The following SBNO1 variants were observed in gnomAD, a reference collection of about 807,000 sequenced individuals.
SBNO1 encodes strawberry notch homolog 1.
SBNO1 carries 23 observed loss-of-function variants against 173.6 expected under a neutral mutation model. The ratio of observed to expected loss-of-function variants is 0.13; its 90% CI spans 0.10 to 0.19. SBNO1 has a LOEUF of 0.19. Among genes scored for constraint, SBNO1 ranks in the 10% least tolerant of loss-of-function variants. The pLI is 1.00. For synonymous variants in SBNO1, 632 were observed against 571.5 expected (o/e 1.11, Z -1.51); for missense variants, 1,238 against 1,671.2 (o/e 0.74, Z 4.52).
chr12:123,293,372 G>A lies in SBNO1; in HGVS notation c.*2536C>T, dbSNP rs763391303. On this transcript the variant is annotated 3_prime_UTR_variant, in exon 32 of 32. Transcript: ENST00000602398. ...AGCCACCACGCCCGGCTACGAGTTG[G>A]GTTTTAACAGAAGAGGACCTTGAAT... 6.6e-6 allele frequency: 1 copy of A among 152,152 alleles called. No individual in the cohort carries two copies. The highest frequency in any genetic ancestry group is 1.5e-5 in the Non-Finnish European group (1 of 68,046). 9.4% of individuals were successfully genotyped at this position (152,152 alleles called of 1,614,324 possible).
chr12:123,360,978 G>A (rs1275939769), intron 1 of SBNO1, among the ~76,000 whole-genome samples: 2 of 152,124 alleles, frequency 1.3e-5, no homozygotes, highest in Non-Finnish European at 2.9e-5. Flanking sequence ...GGGCACAGTG[G>A]CTCACGCCTA....
intron 17 of SBNO1, 93 bp from the exon 18 acceptor site, chr12:123,320,959 G>T: frequency 1.8e-6 from 2 of 1,100,078 alleles, no homozygotes; most frequent in Non-Finnish European, 2.6e-6. Flanking sequence ...ATTTTTTTGA[G>T]ACAATGTTTC....
At chr12:123,364,312 G>A in intron 1 of SBNO1, 1 of 985,492 alleles carries the variant, frequency 1.0e-6, no homozygotes, top group Non-Finnish European at 1.2e-6. Context: ...GCGGGTCCCG[G>A]ACCCGCAGCC....
chr12:123,325,140 G>A (rs1870475955), intron 15 of SBNO1, among the ~76,000 whole-genome samples: 1 of 152,046 alleles, frequency 6.6e-6, no homozygotes, highest in South Asian at 2.1e-4. Flanking sequence ...GTTATATTAG[G>A]ACAAACTATA....
At chr12:123,336,090 G>A (rs759075018) in intron 6 of SBNO1, among the ~76,000 whole-genome samples, 11 of 151,886 alleles carry the variant, frequency 7.2e-5, no homozygotes, top group Non-Finnish European at 1.6e-4. Flanking sequence ...TATACAAAAG[G>A]GAGAAACAAA....
At chr12:123,314,478 C>T (rs1391786947) in intron 23 of SBNO1, among the ~76,000 whole-genome samples, 1 of 151,936 alleles carries the variant, frequency 6.6e-6, no homozygotes, top group African/African-American at 2.4e-5. Flanking sequence ...TACAGGCGCA[C>T]ACCACCACGC....
At chr12:123,337,929 C>G (rs1163504312) in intron 5 of SBNO1, among the ~76,000 whole-genome samples, 1 of 152,104 alleles carries the variant, frequency 6.6e-6, no homozygotes, top group Non-Finnish European at 1.5e-5. Flanking sequence ...AATTGAATAA[C>G]TGAAGGATAA....
chr12:123,313,805 C>T (rs74690356), intron 23 of SBNO1, 86 bp from the exon 24 acceptor site: 37,477 of 767,240 alleles, frequency 0.049, 1,746 homozygotes, highest in East Asian at 0.24. Flanking sequence ...ATAAAAACTA[C>T]TGGCTGGGTG....
At chr12:123,316,892 T>C (rs975889717) in intron 21 of SBNO1, among the ~76,000 whole-genome samples, 4 of 151,710 alleles carry the variant, frequency 2.6e-5, no homozygotes, top group Non-Finnish European at 5.9e-5. Context: ...TAGTAGAGGC[T>C]GGGTTTCACC....
At chr12:123,313,201 AAAAT>A (rs370130754) in intron 24 of SBNO1, among the ~76,000 whole-genome samples, 26,555 of 138,076 alleles carry the variant, frequency 0.19, 2,706 homozygotes, top group African/African-American at 0.25. Context: ...ACTCGGTCTT[AAAAT>A]AAATAAATAA....
chr12:123,330,655 A>G (rs1227622512), intron 8 of SBNO1, 146 bp from the exon 9 acceptor site: 2 of 590,552 alleles, frequency 3.4e-6, no homozygotes, highest in Non-Finnish European at 5.8e-6. Context: ...ACACCATCCC[A>G]CTGAGTGCAG....
At chr12:123,346,950 C>T (rs188136190) in intron 3 of SBNO1, among the ~76,000 whole-genome samples, 86 of 149,168 alleles carry the variant, frequency 5.8e-4, no homozygotes, top group Non-Finnish European at 9.8e-4. Flanking sequence ...TGGTGGTGGG[C>T]GCCTATAGTC....
At chr12:123,350,287 G>C in intron 2 of SBNO1, 23 bp downstream of exon 2, 1 of 1,611,800 alleles carries the variant, frequency 6.2e-7, no homozygotes, top group East Asian at 2.2e-5. Flanking sequence ...CACTAAGAAA[G>C]AGAGGCTTTG....
At chr12:123,315,325 A>C in intron 23 of SBNO1, 48 bp downstream of exon 23, 4 of 1,409,576 alleles carry the variant, frequency 2.8e-6, no homozygotes, top group Non-Finnish European at 4.0e-6. Flanking sequence ...CCCGAAAGAC[A>C]CCATACACTA....
At chr12:123,340,197 T>C (rs987455860) in intron 5 of SBNO1, among the ~76,000 whole-genome samples, 3 of 152,340 alleles carry the variant, frequency 2.0e-5, no homozygotes, top group African/African-American at 7.2e-5. Context: ...AGAAACCTAC[T>C]ACATATTAAC....
intron 2 of SBNO1, among the ~76,000 whole-genome samples, chr12:123,348,830 GC>G (rs1347673936): frequency 2.6e-5 from 4 of 151,712 alleles, no homozygotes; most frequent in Non-Finnish European, 5.9e-5. Context: ...CTTGGCGGCG[GC>G]CCCCTGTAAT....
rs1343428845 is a variant in SBNO1 at position 123,292,629 on chromosome 12, T to C, written c.*3279A>G. 1 of 152,064 alleles carries C rather than the reference T, an allele frequency of 6.6e-6. No homozygotes were observed. The highest frequency in any genetic ancestry group is 2.4e-5 in the African/African-American group (1 of 41,392). The allele number at this position is 152,064 out of a possible 1,614,324, so 9.4% of individuals were successfully genotyped here. ...CTCTGGAGCTTGGTAATATAGAAAT[T>C]TTACCTCTACAGATGAGGCAAACTA... is the stretch of plus-strand genomic sequence containing the variant. On this transcript the variant is annotated 3_prime_UTR_variant, in exon 32 of 32. Coordinates refer to ENST00000602398, the MANE Select transcript of SBNO1 (RefSeq NM_001167856.3).
At chr12:123,331,048 T>C (rs982296640) in intron 8 of SBNO1, among the ~76,000 whole-genome samples, 194 bp downstream of exon 8, 4 of 151,956 alleles carry the variant, frequency 2.6e-5, no homozygotes, top group Non-Finnish European at 1.5e-5. Context: ...CTGCAAGCTA[T>C]GCCTCCAGGG....
intron 2 of SBNO1, among the ~76,000 whole-genome samples, 193 bp downstream of exon 2, chr12:123,350,117 G>T (rs1417763829): frequency 6.6e-6 from 1 of 152,030 alleles, no homozygotes; most frequent in Admixed American, 6.6e-5. Flanking sequence ...AGCGGGATGT[G>T]GTGGCACGTG....
Sources: gnomAD v4.1 joint callset for allele counts (sites outside exome capture counted in the v4.1 genomes callset) on GRCh38, gnomAD v4.1.1 for gene constraint, MANE v1.5 for transcripts, NCBI Gene and HGNC (gene_info 2026-07-23, HGNC 2026-07-21) for gene names.